Variants in SH3BP4 observed in about 807,000 individuals in gnomAD.
SH3BP4 encodes SH3 domain binding protein 4.
A neutral mutation model predicts 65.5 loss-of-function variants in SH3BP4; 33 were observed. The ratio of observed to expected loss-of-function variants is 0.50; its 90% CI spans 0.38 to 0.67. The LOEUF (loss-of-function observed/expected upper bound fraction) is 0.67. SH3BP4 is among the 30% of genes least tolerant of loss of function. The pLI, the probability that SH3BP4 is intolerant of heterozygous loss-of-function variation, is 0.00. For missense variants in SH3BP4, 1,134 were observed against 1,261.4 expected (o/e 0.90, Z 1.53); for synonymous variants, 552 against 545.5 (o/e 1.01, Z -0.17).
rs562101787 is a variant in SH3BP4, at chr2:235,053,964, C to T, written c.*148C>T. On this transcript the variant is annotated 3_prime_UTR_variant, in exon 6 of 6. Coordinates refer to ENST00000392011, the MANE Select transcript of SH3BP4 (RefSeq NM_014521.3). ...CAGCTAGGCTACACCCATCATGCGC[C>T]GCCCTCCTCCATCGAGGGAGAGGCC... 26 of 627,922 alleles carry T rather than the reference C, an allele frequency of 4.1e-5. 1 individual carries two copies. Among genetic ancestry groups the T allele is most frequent in the South Asian group, 3.1e-4 (16 of 51,982 alleles). The allele number at this position is 627,922 out of a possible 1,614,324, so 38.9% of individuals were successfully genotyped here.
intron 1 of SH3BP4, among the ~76,000 whole-genome samples, chr2:234,956,404 A>G (rs1692586474): frequency 6.6e-6 from 1 of 152,214 alleles, no homozygotes; most frequent in Admixed American, 6.5e-5. Context: ...GATTATTCTT[A>G]TCTGCGCAAT....
In SH3BP4 at chr2:234,964,526, AGGTTGT is replaced by A. The variant is rs1692790468; in HGVS notation, c.-207+12357_-207+12362del. 3.6e-5 allele frequency among the ~76,000 whole-genome samples: 3 copies of A among 84,162 alleles called. No homozygotes were observed. The South Asian group carries it at 1.1e-3, about 31-fold the overall frequency. 55.2% of individuals were successfully genotyped at this position (84,162 alleles called of 152,430 possible). On this transcript the variant is annotated intron_variant, in intron 1 of 5. Transcript: ENST00000392011. ...ACCAGGGGAAAGGTCAGGGTTCATG[AGGTTGT>A]AGTTGTACTGGGGGTCAGGACAGGA...
intron 1 of SH3BP4, among the ~76,000 whole-genome samples, chr2:234,980,792 G>T (rs1014435756): frequency 1.3e-5 from 2 of 152,156 alleles, no homozygotes; most frequent in Admixed American, 1.3e-4. Context: ...TTTATGTTCT[G>T]CCAGAAGCTA....
rs950916897 is a variant in SH3BP4, at chr2:235,035,728, C to T, written c.118+608C>T. Among the ~76,000 whole-genome samples the T allele has an allele frequency of 6.6e-6, 1 of 152,190 alleles. No individual in the cohort carries two copies. Among genetic ancestry groups the T allele is most frequent in the Non-Finnish European group, 1.5e-5 (1 of 68,034 alleles). On this transcript the variant is annotated intron_variant, in intron 3 of 5. Coordinates refer to ENST00000392011, the MANE Select transcript of SH3BP4 (RefSeq NM_014521.3). The surrounding 1 kb of genome is among the most constrained non-coding windows in gnomAD (Gnocchi z 5.0). The stretch of plus-strand genomic sequence containing the variant: ...AAGGTGGTTCTAAAGTTTAATAACC[C>T]TGGGTCTCTGGGTTTCTCCAGTGGC...
intron 3 of SH3BP4, among the ~76,000 whole-genome samples, chr2:235,039,961 G>C (rs908963913): frequency 6.6e-6 from 1 of 152,212 alleles, no homozygotes; most frequent in East Asian, 1.9e-4. Context: ...TGGGCCAGGC[G>C]CAGTGGCTCA....
intron 2 of SH3BP4, among the ~76,000 whole-genome samples, chr2:235,019,582 A>G (rs754526251): frequency 3.3e-5 from 5 of 151,848 alleles, no homozygotes; most frequent in Non-Finnish European, 5.9e-5. Flanking sequence ...GATTACAGGC[A>G]TGCACCACCA....
intron 2 of SH3BP4, among the ~76,000 whole-genome samples, chr2:235,012,916 C>T (rs1229271838): frequency 2.0e-5 from 3 of 152,200 alleles, no homozygotes; most frequent in Non-Finnish European, 1.5e-5. Context: ...CACAGGCCTC[C>T]AGGAGCAGGG....
chr2:234,998,996 G>A (rs781757181), intron 2 of SH3BP4, among the ~76,000 whole-genome samples: 4 of 152,198 alleles, frequency 2.6e-5, no homozygotes, highest in Non-Finnish European at 5.9e-5. Flanking sequence ...GCCATGCAGC[G>A]GCTGAACGGG....
chr2:234,993,773 T>C (rs1170793612), intron 1 of SH3BP4, among the ~76,000 whole-genome samples: 1 of 152,214 alleles, frequency 6.6e-6, no homozygotes, highest in Non-Finnish European at 1.5e-5. Context: ...GGTAGACCCA[T>C]TTCAAAGGAG....
intron 2 of SH3BP4, among the ~76,000 whole-genome samples, chr2:235,023,363 A>G (rs1466756923): frequency 6.6e-6 from 1 of 152,156 alleles, no homozygotes; most frequent in African/African-American, 2.4e-5. Flanking sequence ...CCTGGCCAAC[A>G]TAGTGAAACC....
rs532268186 is a variant in SH3BP4, at chr2:235,035,270, A to T, written c.118+150A>T. On this transcript the variant is annotated intron_variant, in intron 3 of 5. Coordinates refer to ENST00000392011, the MANE Select transcript of SH3BP4 (RefSeq NM_014521.3). The surrounding 1 kb of genome is among the most constrained non-coding windows in gnomAD (Gnocchi z 5.0). ...TAAACTTCATCATGGTAATAGATTTAGCCCTGGAATCATAGTCACTTGTCT... is the reference window on the plus strand; with the variant it reads ...TAAACTTCATCATGGTAATAGATTTTGCCCTGGAATCATAGTCACTTGTCT... 1.4e-5 allele frequency: 10 copies of T among 698,770 alleles called. No homozygotes were observed. In the Admixed American group the frequency reaches 1.5e-4, roughly 11 times the overall value. The allele number at this position is 698,770 out of a possible 1,614,324, so 43.3% of individuals were successfully genotyped here. A position where few individuals can be genotyped will look rare whatever the true frequency, so the allele number is the denominator to read the frequency against.
At chr2:235,036,740 A>AAAAAAAAAAAAATAATAATAAT in intron 3 of SH3BP4, among the ~76,000 whole-genome samples, 1 of 141,740 alleles carries the variant, frequency 7.1e-6, no homozygotes. Flanking sequence ...TCTATATAAA[A>AAAAAAAAAAAAATAATAATAAT]AATAATAATA....
rs1693093823 is a variant in SH3BP4, at chr2:234,974,090, G to T, written c.-206-21213G>T. On this transcript the variant is annotated intron_variant, in intron 1 of 5. Coordinates refer to ENST00000392011, the MANE Select transcript of SH3BP4 (RefSeq NM_014521.3). This position sits in a 1 kb window ranked among gnomAD's most constrained non-coding sequence, Gnocchi z 4.6. ...CATTTAGCGATTTGTGAAGGACCTG[G>T]CGCAGTGGCTCACCCCTGTAATCCC... 6.6e-6 allele frequency among the ~76,000 whole-genome samples: 1 copy of T among 152,080 alleles called. No homozygotes were observed. Among genetic ancestry groups the T allele is most frequent in the South Asian group, 2.1e-4 (1 of 4,818 alleles).
chr2:235,043,022 C>G lies in SH3BP4; in HGVS notation c.2253C>G (p.Leu751=). 6.2e-7 allele frequency: 1 copy of G among 1,609,308 alleles called. No individual in the cohort carries two copies. Among genetic ancestry groups the G allele is most frequent in the South Asian group, 1.1e-5 (1 of 90,968 alleles). ...LEQILRPCKF[L]TYIYASVRTL... is the part of the protein sequence containing the mutation. ...AGATCCTGCGGCCCTGCAAATTCCT[C>G]ACGTACATCTATGCCTCCGTGAGGA... Residue 751 remains leucine, a synonymous_variant, in exon 4 of 6, where the codon CTC becomes CTG. Coordinates refer to ENST00000392011, the MANE Select transcript of SH3BP4 (RefSeq NM_014521.3).
At chr2:234,953,236 A>T (rs1005672036) in intron 1 of SH3BP4, 1 of 152,252 alleles carries the variant, frequency 6.6e-6, no homozygotes, top group Non-Finnish European at 1.5e-5. Flanking sequence ...AAAGCTAGAG[A>T]TAAAGAGAAA....
rs376405807 is a variant in SH3BP4 at position 235,026,235 on chromosome 2, G to A, written c.-132-8636G>A. 1.3e-5 allele frequency among the ~76,000 whole-genome samples: 2 copies of A among 152,098 alleles called. No homozygotes were observed. The highest frequency in any genetic ancestry group is 4.8e-5 in the African/African-American group (2 of 41,420). On this transcript the variant is annotated intron_variant, in intron 2 of 5. Coordinates refer to ENST00000392011, the MANE Select transcript of SH3BP4 (RefSeq NM_014521.3). This position sits in a 1 kb window ranked among gnomAD's most constrained non-coding sequence, Gnocchi z 4.6. ...CCTCCCCTCCTCTTCCTGACCTGTC[G>A]GGGGATCCCCAGCCTCAGATGTTCT...
At chr2:234,955,782 G>C (rs1692572173) in intron 1 of SH3BP4, among the ~76,000 whole-genome samples, 1 of 152,170 alleles carries the variant, frequency 6.6e-6, no homozygotes. Context: ...CACTCGTTGA[G>C]GGCTTACCAT....
chr2:235,024,801 G>T (rs1694948998), intron 2 of SH3BP4, among the ~76,000 whole-genome samples: 1 of 152,076 alleles, frequency 6.6e-6, no homozygotes, highest in Non-Finnish European at 1.5e-5. Context: ...AATAACAGTT[G>T]ATTTTTTTTT....
chr2:234,982,747 G>A (rs1479623718), intron 1 of SH3BP4, among the ~76,000 whole-genome samples: 2 of 152,142 alleles, frequency 1.3e-5, no homozygotes, highest in East Asian at 3.9e-4. Flanking sequence ...GGGAGTTTGA[G>A]GGTGGGGCCG....
Sources: allele counts gnomAD v4.1 joint callset (sites outside exome capture counted in the v4.1 genomes callset), GRCh38; gene constraint gnomAD v4.1.1; non-coding constraint Gnocchi (gnomAD v3.1); transcripts MANE v1.5; gene names NCBI Gene and HGNC (gene_info 2026-07-23, HGNC 2026-07-21).